SAMD5: variants seen among roughly 807,000 people sequenced by gnomAD.
SAMD5 encodes sterile alpha motif domain containing 5, also known as sterile alpha motif domain-containing protein 5.
SAMD5 carries 13 observed loss-of-function variants against 11.3 expected under a neutral mutation model. The observed-to-expected ratio is 1.15, with a 90% CI of 0.75 to 1.83. The LOEUF is 1.83. Ranked by LOEUF, SAMD5 falls within the 40% of genes most tolerant of loss-of-function variation. The pLI, the probability that SAMD5 is intolerant of heterozygous loss-of-function variation, is 0.00. For synonymous variants in SAMD5, 129 were observed against 111.3 expected (o/e 1.16, Z -1.00); for missense variants, 255 against 239.1 (o/e 1.07, Z -0.44).
chr6:147,832,545 C>T, the SAMD5 span, among the ~76,000 whole-genome samples: 1 of 152,152 alleles, frequency 6.6e-6, no homozygotes, highest in African/African-American at 2.4e-5. Flanking sequence ...AGACTACCAT[C>T]GCCTGCGCAT....
intron 1 of SAMD5, among the ~76,000 whole-genome samples, chr6:147,699,070 T>C (rs989239932): frequency 6.6e-6 from 1 of 152,030 alleles, no homozygotes; most frequent in Non-Finnish European, 1.5e-5. Flanking sequence ...ATGGAAAGGA[T>C]TTCCTGGTTC....
At chr6:147,603,613 C>T (rs1278882334) in intron 1 of SAMD5, among the ~76,000 whole-genome samples, 1 of 152,064 alleles carries the variant, frequency 6.6e-6, no homozygotes, top group Non-Finnish European at 1.5e-5. Context: ...CTTTTGGGAA[C>T]CAGTGAGGGC....
the SAMD5 span, among the ~76,000 whole-genome samples, chr6:147,816,301 A>AAAAAAAAAAAATATAT: frequency 4.5e-5 from 3 of 66,356 alleles, no homozygotes; most frequent in African/African-American, 1.0e-4. Context: ...AAAAAAAAAA[A>AAAAAAAAAAAATATAT]ATATATATAT....
chr6:147,705,195 T>C (rs1791308994), intron 1 of SAMD5, among the ~76,000 whole-genome samples: 1 of 152,202 alleles, frequency 6.6e-6, no homozygotes, highest in Non-Finnish European at 1.5e-5. Context: ...TCTTCTCCTG[T>C]ATAAAAACCA....
chr6:147,612,733 C>A (rs1789804842), intron 1 of SAMD5, among the ~76,000 whole-genome samples: 1 of 152,230 alleles, frequency 6.6e-6, no homozygotes, highest in African/African-American at 2.4e-5. Context: ...GGATAAATCA[C>A]TGGTTCTCCC....
rs560060804 is a variant in SAMD5, at chr6:147,632,061, G to A, written c.163-105256G>A. On this transcript the variant is annotated intron_variant, in intron 1 of 1. Coordinates refer to the SAMD5 transcript ENST00000566741. ...TTGATAGGTGGAAGTTTCAGTGGGG[G>A]AGTAGGTGGGAGTGACCGATGAGAA... 7.2e-5 allele frequency among the ~76,000 whole-genome samples: 11 copies of A among 152,268 alleles called. 1 individual carries two copies. The South Asian group carries it at 2.3e-3, about 32-fold the overall frequency.
intron 1 of SAMD5, among the ~76,000 whole-genome samples, chr6:147,680,489 C>A (rs186766534): frequency 2.0e-5 from 3 of 152,218 alleles, no homozygotes; most frequent in South Asian, 4.1e-4. Context: ...GTCTTCCTTT[C>A]AGTCTGGATG....
At chr6:147,671,349 G>C (rs1790793005) in intron 1 of SAMD5, among the ~76,000 whole-genome samples, 2 of 152,168 alleles carry the variant, frequency 1.3e-5, no homozygotes, top group Admixed American at 1.3e-4. Flanking sequence ...AGACTTGTTT[G>C]ATGCAGGCTT....
At chr6:147,878,423 AC>A in the SAMD5 span, among the ~76,000 whole-genome samples, 128 of 151,958 alleles carry the variant, frequency 8.4e-4, no homozygotes, top group African/African-American at 2.9e-3. Flanking sequence ...CAACGGCTCT[AC>A]ATTCTAATAC....
At position 147,575,797 on chromosome 6, in the gene SAMD5, G is replaced by A. The variant is rs146884705; in HGVS notation, c.162+66410G>A. On this transcript the variant is annotated intron_variant, in intron 1 of 1. Coordinates refer to the SAMD5 transcript ENST00000566741. The stretch of plus-strand genomic sequence containing the variant: ...ACCCTGTGGATACACAATACATACC[G>A]GTTGTGTTTGGCTTACTGCCATTAT... Among the ~76,000 whole-genome samples the A allele has an allele frequency of 8.7e-3, 1,325 of 152,260 alleles. 9 individuals are homozygous for A. The highest frequency in any genetic ancestry group is 0.031 in the Middle Eastern group (9 of 292).
At chr6:147,876,300 T>C in the SAMD5 span, among the ~76,000 whole-genome samples, 1 of 152,190 alleles carries the variant, frequency 6.6e-6, no homozygotes, top group Non-Finnish European at 1.5e-5. Context: ...TCTTCATCAT[T>C]GTGAGTTTCA....
intron 1 of SAMD5, among the ~76,000 whole-genome samples, chr6:147,547,730 A>C (rs766755538): frequency 3.9e-5 from 6 of 152,214 alleles, no homozygotes; most frequent in Admixed American, 2.0e-4. Context: ...GGCTCCACCC[A>C]CACTCGAAAC....
At chr6:147,529,971 G>T (rs1788402302) in intron 1 of SAMD5, among the ~76,000 whole-genome samples, 1 of 152,226 alleles carries the variant, frequency 6.6e-6, no homozygotes, top group African/African-American at 2.4e-5. Context: ...CTAGAAATCA[G>T]TTGAGAAGAC....
chr6:147,704,864 G>A (rs945623174), intron 1 of SAMD5, among the ~76,000 whole-genome samples: 40 of 152,142 alleles, frequency 2.6e-4, no homozygotes, highest in African/African-American at 9.7e-4. Flanking sequence ...CCATCTCCCC[G>A]AATCATGTTA....
At chr6:147,533,670 C>T (rs1409765986) in intron 1 of SAMD5, among the ~76,000 whole-genome samples, 1 of 151,996 alleles carries the variant, frequency 6.6e-6, no homozygotes, top group Non-Finnish European at 1.5e-5. Flanking sequence ...CCTTCCTCCT[C>T]CTCCCCGCCT....
At chr6:147,645,428 G>C (rs1322873433) in intron 1 of SAMD5, among the ~76,000 whole-genome samples, 1 of 152,004 alleles carries the variant, frequency 6.6e-6, no homozygotes, top group Non-Finnish European at 1.5e-5. Flanking sequence ...AAAGAACATT[G>C]ACCCTTCCTC....
At chr6:147,763,515 T>G in the SAMD5 span, among the ~76,000 whole-genome samples, 1 of 151,768 alleles carries the variant, frequency 6.6e-6, no homozygotes, top group Admixed American at 6.6e-5. Context: ...TCATATTTCC[T>G]TAGTTTTTAC....
chr6:147,760,211 TG>T, the SAMD5 span, among the ~76,000 whole-genome samples: 1 of 152,122 alleles, frequency 6.6e-6, no homozygotes. Flanking sequence ...TTGATGAAAA[TG>T]GTGCCTCATT....
At position 147,568,194 on chromosome 6, in the gene SAMD5, T is replaced by A. The variant is rs143801653; in HGVS notation, c.*3738T>A. Reference sequence around the variant, plus strand: ...GAATCCAACCAAGATACAAAGCAGATGATGGTGGATCGGCAAACTCTTTTC... The same window carrying A: ...GAATCCAACCAAGATACAAAGCAGAAGATGGTGGATCGGCAAACTCTTTTC... On this transcript the variant is annotated 3_prime_UTR_variant, in exon 2 of 2. Transcript: ENST00000367474. 2.0e-6 allele frequency: 2 copies of A among 985,328 alleles called. No homozygotes were observed. Among genetic ancestry groups the A allele is most frequent in the East Asian group, 2.3e-4 (2 of 8,800 alleles). The allele number at this position is 985,328 out of a possible 1,614,324, so 61.0% of individuals were successfully genotyped here.
Sources: gnomAD v4.1 joint callset for allele counts (sites outside exome capture counted in the v4.1 genomes callset) on GRCh38, gnomAD v4.1.1 for gene constraint, MANE v1.5 for transcripts, NCBI Gene and HGNC (gene_info 2026-07-23, HGNC 2026-07-21) for gene names.